The following TSC22D1 variants were observed in gnomAD, a reference collection of about 807,000 sequenced individuals.
TSC22D1 encodes the protein TSC22 domain family member 1.
A neutral mutation model predicts 74.2 loss-of-function variants in TSC22D1; 9 were observed. That is an observed-to-expected ratio of 0.12 (90% confidence interval 0.07 to 0.21). The LOEUF is 0.21. Among genes scored for constraint, TSC22D1 ranks in the 10% least tolerant of loss-of-function variants. The probability of loss-of-function intolerance (pLI) is 1.00; values close to 1 mark genes in which losing one functional copy is unlikely to be tolerated. For missense variants in TSC22D1, 1,427 were observed against 1,304.7 expected (o/e 1.09, Z -1.44); for synonymous variants, 586 against 492.5 (o/e 1.19, Z -2.51).
At chr13:44,450,401 A>T (rs767828969) in intron 1 of TSC22D1, among the ~76,000 whole-genome samples, 3 of 152,186 alleles carry the variant, frequency 2.0e-5, no homozygotes, top group Non-Finnish European at 4.4e-5. Flanking sequence ...AGGTCCACAT[A>T]ATAGGGTTTA....
chr13:44,478,508 T>C (rs1878027250), intron 1 of TSC22D1, among the ~76,000 whole-genome samples: 1 of 152,150 alleles, frequency 6.6e-6, no homozygotes, highest in Non-Finnish European at 1.5e-5. Flanking sequence ...ATATGCTTTA[T>C]TGTCTCTACA....
chr13:44,530,304 G>A (rs1880763391), intron 1 of TSC22D1, among the ~76,000 whole-genome samples: 1 of 152,092 alleles, frequency 6.6e-6, no homozygotes, highest in South Asian at 2.1e-4. Context: ...AGAAAGAACA[G>A]TCTTCAACAA....
intron 1 of TSC22D1, among the ~76,000 whole-genome samples, chr13:44,564,277 G>C (rs1169966098): frequency 6.6e-6 from 1 of 152,032 alleles, no homozygotes; most frequent in Non-Finnish European, 1.5e-5. Flanking sequence ...AATATATGCA[G>C]CACATCAAAC....
chr13:44,442,897 A>G (rs1004297992), intron 1 of TSC22D1, among the ~76,000 whole-genome samples: 2 of 142,948 alleles, frequency 1.4e-5, no homozygotes, highest in African/African-American at 5.3e-5. Context: ...CCACAGAGCC[A>G]CAGAGCGAGA....
In TSC22D1 at chr13:44,434,445, TC is replaced by T; in HGVS notation, c.*180del. 1 of 1,355,886 alleles carries T rather than the reference TC, an allele frequency of 7.4e-7. No homozygotes were observed. Among genetic ancestry groups the T allele is most frequent in the East Asian group, 2.9e-5 (1 of 34,748 alleles). 84.0% of individuals were successfully genotyped at this position (1,355,886 alleles called of 1,614,324 possible). ...CTTTAATTCACCCAACTAAGAAATT[TC>T]TCCAAGCCATAAGCATATGAGTGTT... On this transcript the variant is annotated 3_prime_UTR_variant, in exon 3 of 3. Coordinates refer to ENST00000458659, the MANE Select transcript of TSC22D1 (RefSeq NM_183422.4).
intron 1 of TSC22D1, among the ~76,000 whole-genome samples, chr13:44,517,841 A>G (rs1374488815): frequency 2.3e-4 from 5 of 21,308 alleles, no homozygotes; most frequent in African/African-American, 3.8e-4. Context: ...ATATATATAT[A>G]TATATATATA....
intron 1 of TSC22D1, among the ~76,000 whole-genome samples, chr13:44,555,873 C>T (rs940739110): frequency 6.6e-6 from 1 of 151,878 alleles, no homozygotes; most frequent in Non-Finnish European, 1.5e-5. Flanking sequence ...AAAAAATTCT[C>T]TTTTCTCCAT....
intron 1 of TSC22D1, among the ~76,000 whole-genome samples, chr13:44,510,060 A>C (rs1343862587): frequency 2.6e-5 from 4 of 151,670 alleles, no homozygotes; most frequent in African/African-American, 9.7e-5. Flanking sequence ...TGGAAAAGGA[A>C]CTTGTCAGCA....
intron 1 of TSC22D1, among the ~76,000 whole-genome samples, chr13:44,471,925 G>A (rs560072608): frequency 1.1e-3 from 169 of 152,282 alleles, no homozygotes; most frequent in Non-Finnish European, 1.9e-3. Context: ...TTGTCCAGCA[G>A]ATCCACATTG....
intron 1 of TSC22D1, among the ~76,000 whole-genome samples, chr13:44,456,290 T>A (rs1876639684): frequency 6.6e-6 from 1 of 152,184 alleles, no homozygotes; most frequent in African/African-American, 2.4e-5. Flanking sequence ...CAGCTTTTAT[T>A]CCCTTATTTG....
At chr13:44,544,887 T>C (rs953162178) in intron 1 of TSC22D1, among the ~76,000 whole-genome samples, 1 of 151,986 alleles carries the variant, frequency 6.6e-6, no homozygotes, top group South Asian at 2.1e-4. Context: ...GTAAAACAGA[T>C]GAAAAAGAAA....
At chr13:44,493,372 A>G (rs1429438363) in intron 1 of TSC22D1, among the ~76,000 whole-genome samples, 3 of 152,182 alleles carry the variant, frequency 2.0e-5, no homozygotes, top group African/African-American at 4.8e-5. Flanking sequence ...GACAAAAGAC[A>G]CTTGCCTTAC....
chr13:44,437,775 G>A (rs1874847667), intron 1 of TSC22D1, among the ~76,000 whole-genome samples: 1 of 152,134 alleles, frequency 6.6e-6, no homozygotes, highest in Non-Finnish European at 1.5e-5. Context: ...ACATCAGAGG[G>A]ATTGAAATAT....
At chr13:44,448,309 G>A (rs752465034) in intron 1 of TSC22D1, among the ~76,000 whole-genome samples, 4 of 152,020 alleles carry the variant, frequency 2.6e-5, no homozygotes, top group Non-Finnish European at 5.9e-5. Context: ...TTAAATTCCA[G>A]AAGAAAACAA....
intron 1 of TSC22D1, among the ~76,000 whole-genome samples, chr13:44,488,550 A>G (rs1304042604): frequency 1.3e-5 from 2 of 152,204 alleles, no homozygotes; most frequent in Non-Finnish European, 2.9e-5. Flanking sequence ...AAAACAAGAA[A>G]AAAGAACAGA....
intron 1 of TSC22D1, among the ~76,000 whole-genome samples, chr13:44,504,476 C>T (rs949340141): frequency 6.6e-6 from 1 of 151,992 alleles, no homozygotes; most frequent in Non-Finnish European, 1.5e-5. Flanking sequence ...TGGTGGCTTG[C>T]GCCTGTGTTC....
At chr13:44,573,066 A>G (rs1004745449) in intron 1 of TSC22D1, 97 bp downstream of exon 1, 1 of 1,465,718 alleles carries the variant, frequency 6.8e-7, no homozygotes, top group African/African-American at 1.4e-5. Context: ...AAAACACAAT[A>G]TACAATGTTT....
chr13:44,551,478 T>C (rs897752409), intron 1 of TSC22D1, among the ~76,000 whole-genome samples: 10 of 151,610 alleles, frequency 6.6e-5, no homozygotes, highest in Non-Finnish European at 1.3e-4. Context: ...TGGAATGCAG[T>C]GGCACAATCT....
Position 44,434,738 on chromosome 13 carries a change from G to A in TSC22D1, c.3110C>T (p.Ala1037Val). The change falls in exon 3 of 3, where the codon GCC becomes GTC. Residue 1037 changes from alanine to valine, a missense_variant. Physicochemically the swap from Ala to Val is moderately conservative, Grantham distance 64. This residue lies in a region of TSC22D1 where 63 missense variants were observed against 50.5 expected (regional missense o/e 1.25). Coordinates refer to ENST00000458659, the MANE Select transcript of TSC22D1 (RefSeq NM_183422.4). ...LKTLASPEQL[A>V]QFQAQLQTGS... is the part of the protein sequence containing the mutation. ...AGTCTGCAGCTGGGCCTGAAACTGG[G>A]CAAGCTGCTCAGGACTGGCCAGTGT... 6 of 1,613,684 alleles carry A rather than the reference G, an allele frequency of 3.7e-6. No homozygotes were observed. The highest frequency in any genetic ancestry group is 5.1e-6 in the Non-Finnish European group (6 of 1,179,968).
Sources: gnomAD v4.1 joint callset for allele counts (sites outside exome capture counted in the v4.1 genomes callset) on GRCh38, gnomAD v4.1.1 for gene constraint, gnomAD v4.1.1 regional missense constraint, MANE v1.5 for transcripts, NCBI Gene and HGNC (gene_info 2026-07-23, HGNC 2026-07-21) for gene names.